NR1D1: variants seen among roughly 807,000 people sequenced by gnomAD.
The protein encoded by NR1D1 is Rev-ErbAalpha.
NR1D1 carries 17 observed loss-of-function variants against 51.1 expected under a neutral mutation model. That is an observed-to-expected ratio of 0.33 (90% confidence interval 0.23 to 0.50). The LOEUF is 0.50. Among genes scored for constraint, NR1D1 ranks in the 20% least tolerant of loss-of-function variants. NR1D1 has a pLI of 0.98. For synonymous variants in NR1D1, 341 were observed against 333.4 expected (o/e 1.02, Z -0.25); for missense variants, 647 against 830.4 (o/e 0.78, Z 2.71).
At chr17:40,096,826 T>A in intron 2 of NR1D1, 47 bp from the exon 3 acceptor site, 1 of 1,578,418 alleles carries the variant, frequency 6.3e-7, no homozygotes, top group South Asian at 1.1e-5. Flanking sequence ...CCAGGCTGAG[T>A]GGCCACAGGT....
In NR1D1 at chr17:40,095,589, G is replaced by T. The variant is rs756085003; in HGVS notation, c.1103C>A (p.Thr368Asn). The stretch of plus-strand genomic sequence containing the variant: ...GTGGTGTGCAGGGCCAGGAGGCCAG[G>T]TGGGAGGGTAGGAGGAGGGAGCCTG... ...LRQAPSSYPP[T>N]WPPGPAHHSC... The change falls in exon 5 of 8, where the codon ACC (threonine) becomes AAC (asparagine). Residue 368 changes from threonine (T) to asparagine (N), a missense_variant. This residue lies in a region of NR1D1 where 185 missense variants were observed against 176.3 expected (regional missense o/e 1.05). Transcript: ENST00000246672. 3 of 1,611,238 alleles carry T rather than the reference G, an allele frequency of 1.9e-6. No individual in the cohort carries two copies. Among genetic ancestry groups the T allele is most frequent in the Non-Finnish European group, 2.5e-6 (3 of 1,178,458 alleles).
At chr17:40,099,945 A>G (rs1231440371) in intron 1 of NR1D1, 119 bp downstream of exon 1, 1 of 782,474 alleles carries the variant, frequency 1.3e-6, no homozygotes, top group Non-Finnish European at 2.3e-6. Flanking sequence ...GCAGCACGTT[A>G]GCAAATCTCC....
At position 40,100,584 on chromosome 17, in the gene NR1D1, C is replaced by T; in HGVS notation, c.-490G>A. ...CTACGTTCCCTCGGCAGTAATATTT[C>T]ACTCTGCCAATCTCAGCCGCCTTTT... On this transcript the variant is annotated 5_prime_UTR_variant, in exon 1 of 8. Coordinates refer to ENST00000246672, the MANE Select transcript of NR1D1 (RefSeq NM_021724.5). The T allele has an allele frequency of 2.4e-6, 1 of 416,732 alleles. No homozygotes were observed. The allele number at this position is 416,732 out of a possible 1,614,324, so 25.8% of individuals were successfully genotyped here.
Position 40,100,175 on chromosome 17 carries a change from G to T in NR1D1, c.-81C>A. 8.8e-7 allele frequency: 1 copy of T among 1,132,516 alleles called. No homozygotes were observed. Among genetic ancestry groups the T allele is most frequent in the South Asian group, 1.2e-5 (1 of 80,806 alleles). The allele number at this position is 1,132,516 out of a possible 1,614,324, so 70.2% of individuals were successfully genotyped here. Reference sequence around the variant, plus strand: ...TGCGATCGCCGCTGTTGCCCCCTGGGCACTGGCTAAGGGCGGGGAGTGGAC... The same window carrying T: ...TGCGATCGCCGCTGTTGCCCCCTGGTCACTGGCTAAGGGCGGGGAGTGGAC... On this transcript the variant is annotated 5_prime_UTR_variant, in exon 1 of 8. Coordinates refer to ENST00000246672, the MANE Select transcript of NR1D1 (RefSeq NM_021724.5).
intron 3 of NR1D1, 21 bp downstream of exon 3, chr17:40,096,670 C>CTT: frequency 6.2e-7 from 1 of 1,614,144 alleles, no homozygotes; most frequent in Non-Finnish European, 8.5e-7. Flanking sequence ...TGCCCCTGCC[C>CTT]TTACCCCCAG....
At chr17:40,099,080 C>T (rs1051859781) in intron 1 of NR1D1, among the ~76,000 whole-genome samples, 10 of 149,382 alleles carry the variant, frequency 6.7e-5, no homozygotes, top group Admixed American at 5.3e-4. Flanking sequence ...CAGCTTCACC[C>T]AGATCTCGGC....
At chr17:40,097,576 C>CA (rs925103757) in intron 1 of NR1D1, among the ~76,000 whole-genome samples, 173 bp from the exon 2 acceptor site, 3 of 152,196 alleles carry the variant, frequency 2.0e-5, no homozygotes, top group African/African-American at 7.2e-5. Flanking sequence ...GTAGACATGG[C>CA]ATGGCCAAGC....
rs901497637 is a variant in NR1D1 at position 40,093,733 on chromosome 17, C to G, written c.1645+179G>C. On this transcript the variant is annotated intron_variant, in intron 7 of 7. Coordinates refer to ENST00000246672, the MANE Select transcript of NR1D1 (RefSeq NM_021724.5). This position sits in a 1 kb window ranked among gnomAD's most constrained non-coding sequence, Gnocchi z 5.9. ...TTCATGCTTCTACTGTGACACTTAT[C>G]TCACTGTTTTATAATTAGTCGGGCA... 27 of 644,938 alleles carry G rather than the reference C, an allele frequency of 4.2e-5. No homozygotes were observed. The highest frequency in any genetic ancestry group is 7.2e-5 in the Non-Finnish European group (27 of 375,690). 40.0% of individuals were successfully genotyped at this position (644,938 alleles called of 1,614,324 possible). A position where few individuals can be genotyped will look rare whatever the true frequency, so the allele number is the denominator to read the frequency against.
rs769094604 is a variant in NR1D1, at chr17:40,093,897, G to A, written c.1645+15C>T. ...GTCTGCCTCCTCCCCCGGGTCAGGC[G>A]AGAGCCTGACCTACCTGCAGAGACA... On this transcript the variant is annotated intron_variant, in intron 7 of 7. Transcript: ENST00000246672. The surrounding 1 kb of genome is among the most constrained non-coding windows in gnomAD (Gnocchi z 5.9). 1.5e-5 allele frequency: 24 copies of A among 1,606,014 alleles called. No homozygotes were observed. In the East Asian group the frequency reaches 1.6e-4, roughly 10 times the overall value.
intron 5 of NR1D1, 94 bp downstream of exon 5, chr17:40,095,350 C>CA (rs1172393643): frequency 2.8e-6 from 4 of 1,444,736 alleles, no homozygotes; most frequent in Non-Finnish European, 3.7e-6. Flanking sequence ...TCCCCACACT[C>CA]AGCCTCCAGG....
Position 40,100,427 on chromosome 17 carries a change from A to G in NR1D1, c.-333T>C, listed in dbSNP as rs191912570. 668 of 466,916 alleles carry G rather than the reference A, an allele frequency of 1.4e-3. 4 individuals carry two copies. The highest frequency in any genetic ancestry group is 0.012 in the African/African-American group (612 of 50,562). The allele number at this position is 466,916 out of a possible 1,614,324, so 28.9% of individuals were successfully genotyped here. On this transcript the variant is annotated 5_prime_UTR_variant, in exon 1 of 8. Coordinates refer to ENST00000246672, the MANE Select transcript of NR1D1 (RefSeq NM_021724.5). ...GGGTGCCTCTGCCTGCCGGCTCCGC[A>G]GCGCTGCGGGGTGGCGAATCTGGAG...
chr17:40,093,118 C>T lies in NR1D1; in HGVS notation c.1810G>A (p.Glu604Lys), dbSNP rs1213631051. 5 of 1,613,992 alleles carry T rather than the reference C, an allele frequency of 3.1e-6. No homozygotes were observed. The highest frequency in any genetic ancestry group is 4.2e-6 in the Non-Finnish European group (5 of 1,180,034). The change falls in exon 8 of 8, where the codon GAG becomes AAG. Residue 604 changes from glutamate to lysine, a missense_variant. Glu to Lys is a moderately conservative substitution (Grantham distance 56, BLOSUM62 1). Around this residue, in one of 7 missense-constraint regions of NR1D1, gnomAD observed 155 missense variants for 236.8 expected, o/e 0.65. Transcript: ENST00000246672. This position sits in a 1 kb window ranked among gnomAD's most constrained non-coding sequence, Gnocchi z 5.9. ...DLRTLNNMHSEKLLSFRVDAQ is the reference protein window; with the variant it reads ...DLRTLNNMHSKKLLSFRVDAQ ...TCCACCCGGAAGGACAGCAGCTTCT[C>T]GGAATGCATGTTGTTCAGGGTCCGC... is the stretch of plus-strand genomic sequence containing the variant.
Position 40,093,425 on chromosome 17 carries a change from C to T in NR1D1, c.1646-143G>A, listed in dbSNP as rs557357052. 262 of 1,577,290 alleles carry T rather than the reference C, an allele frequency of 1.7e-4. 1 individual carries two copies. In the South Asian group the frequency reaches 1.7e-3, roughly 10 times the overall value. On this transcript the variant is annotated intron_variant, in intron 7 of 7. Transcript: ENST00000246672. The surrounding 1 kb of genome is among the most constrained non-coding windows in gnomAD (Gnocchi z 5.9). ...ATGGGGAAGGAGAAGGAGTGCCATA[C>T]CTTCTCCCAGGCCTCTGCCCCAAGA...
At chr17:40,097,958 G>C (rs535841516) in intron 1 of NR1D1, among the ~76,000 whole-genome samples, 2 of 152,354 alleles carry the variant, frequency 1.3e-5, no homozygotes, top group East Asian at 3.9e-4. Flanking sequence ...TGAAGGGAAG[G>C]AATCTGCCCA....
chr17:40,093,970 G>C lies in NR1D1; in HGVS notation c.1587C>G (p.Ser529=). Residue 529 remains serine, a synonymous_variant, in exon 7 of 8, where the codon TCC becomes TCG. Coordinates refer to ENST00000246672, the MANE Select transcript of NR1D1 (RefSeq NM_021724.5). This position sits in a 1 kb window ranked among gnomAD's most constrained non-coding sequence, Gnocchi z 5.9. ...CCAGCTCCTCCTCGGTAAGCGCCAG[G>C]GAGTTGAGCTTCTCGCTGAAGTCGA... ...AMFDFSEKLN[S]LALTEEELGL... 1 of 1,614,036 alleles carries C rather than the reference G, an allele frequency of 6.2e-7. No individual in the cohort carries two copies. Among genetic ancestry groups the C allele is most frequent in the Non-Finnish European group, 8.5e-7 (1 of 1,180,032 alleles).
At position 40,092,840 on chromosome 17, in the gene NR1D1, G is replaced by C; in HGVS notation, c.*243C>G. On this transcript the variant is annotated 3_prime_UTR_variant, in exon 8 of 8. Coordinates refer to ENST00000246672, the MANE Select transcript of NR1D1 (RefSeq NM_021724.5). ...GAGACAGGAACAGAACAAATCAGAG[G>C]GCCAGGGGAGGGTTGTGGGGGAGAC... 1.1e-6 allele frequency: 1 copy of C among 870,952 alleles called. No homozygotes were observed. The highest frequency in any genetic ancestry group is 1.7e-6 in the Non-Finnish European group (1 of 584,958). The allele number at this position is 870,952 out of a possible 1,614,324, so 54.0% of individuals were successfully genotyped here.
chr17:40,097,484 T>A, intron 1 of NR1D1, 81 bp from the exon 2 acceptor site: 1 of 1,159,992 alleles, frequency 8.6e-7, no homozygotes, highest in Non-Finnish European at 1.2e-6. Flanking sequence ...TCCCCACCTG[T>A]CTGCCCAAAA....
chr17:40,098,723 T>C lies in NR1D1; in HGVS notation c.32-1320A>G, dbSNP rs544294527. Among the ~76,000 whole-genome samples the C allele has an allele frequency of 1.7e-4, 26 of 152,242 alleles. No homozygotes were observed. In the South Asian group the frequency reaches 2.3e-3, roughly 13 times the overall value. On this transcript the variant is annotated intron_variant, in intron 1 of 7. Coordinates refer to ENST00000246672, the MANE Select transcript of NR1D1 (RefSeq NM_021724.5). Reference sequence around the variant, plus strand: ...AAGGACAGTATCATTTCAGCTATGATTGTGGGGTGCAGTTGCTTTGGGGAG... The same window carrying C: ...AAGGACAGTATCATTTCAGCTATGACTGTGGGGTGCAGTTGCTTTGGGGAG...
intron 4 of NR1D1, 23 bp downstream of exon 4, chr17:40,096,417 GGGA>G: frequency 1.2e-6 from 2 of 1,613,892 alleles, no homozygotes; most frequent in Non-Finnish European, 1.7e-6. Flanking sequence ...GGAAGAAGGG[GGGA>G]GGATGTGGGG....
Sources: gnomAD v4.1 joint callset for allele counts (sites outside exome capture counted in the v4.1 genomes callset) on GRCh38, gnomAD v4.1.1 for gene constraint, gnomAD v4.1.1 regional missense constraint, Gnocchi (gnomAD v3.1) non-coding constraint, MANE v1.5 for transcripts, NCBI Gene and HGNC (gene_info 2026-07-23, HGNC 2026-07-21) for gene names.